MGAT5: variants seen among roughly 807,000 people sequenced by gnomAD.
MGAT5 encodes alpha-1,6-mannosylglycoprotein 6-beta-N-acetylglucosaminyltransferase A.
Under a neutral mutation model 94.3 loss-of-function variants are expected in MGAT5, and 30 were observed. The observed-to-expected ratio is 0.32, with a 90% CI of 0.24 to 0.43. MGAT5 has a LOEUF of 0.43. Ranked by LOEUF, MGAT5 falls within the 20% of genes least tolerant of loss-of-function variation. The probability of loss-of-function intolerance (pLI) is 1.00; values close to 1 mark genes in which losing one functional copy is unlikely to be tolerated. For missense variants in MGAT5, 691 were observed against 905.5 expected (o/e 0.76, Z 3.04); for synonymous variants, 310 against 322.9 (o/e 0.96, Z 0.43).
At chr2:134,246,371 G>C (rs1191885583) in intron 1 of MGAT5, among the ~76,000 whole-genome samples, 2 of 152,094 alleles carry the variant, frequency 1.3e-5, no homozygotes, top group African/African-American at 4.8e-5. Context: ...GGTGGCACTG[G>C]GCCATCTGGG....
intron 1 of MGAT5, among the ~76,000 whole-genome samples, chr2:134,242,278 C>A (rs1482331516): frequency 1.3e-5 from 2 of 152,200 alleles, no homozygotes. Context: ...ACTGTGTCTT[C>A]ATTTTTAACC....
intron 4 of MGAT5, among the ~76,000 whole-genome samples, chr2:134,332,172 A>G (rs1688013672): frequency 6.6e-6 from 1 of 152,036 alleles, no homozygotes; most frequent in Non-Finnish European, 1.5e-5. Context: ...GCATCACGCT[A>G]CCTGACTTCA....
intron 1 of MGAT5, among the ~76,000 whole-genome samples, chr2:134,213,250 G>T (rs910987480): frequency 2.6e-4 from 40 of 152,288 alleles, no homozygotes; most frequent in African/African-American, 8.9e-4. Flanking sequence ...ATGAAGTGAA[G>T]TTGTGTTCAA....
rs2290482 is a variant in MGAT5 at position 134,452,564 on chromosome 2, G to A, written c.*3717G>A. ...TGTGTTGGACTGAAACTGTATGTCT[G>A]TAGGTAGGTGTGTGCCTTTTAGGGC... is the stretch of plus-strand genomic sequence containing the variant. On this transcript the variant is annotated 3_prime_UTR_variant, in exon 16 of 16. Coordinates refer to ENST00000281923, the MANE Select transcript of MGAT5 (RefSeq NM_002410.5). 0.037 allele frequency: 5,572 copies of A among 152,292 alleles called. 160 individuals carry two copies. The highest frequency in any genetic ancestry group is 0.088 in the East Asian group (456 of 5,186). The allele number at this position is 152,292 out of a possible 1,614,324, so 9.4% of individuals were successfully genotyped here. A position where few individuals can be genotyped will look rare whatever the true frequency, so the allele number is the denominator to read the frequency against.
At chr2:134,416,484 T>C (rs1269416590) in intron 12 of MGAT5, among the ~76,000 whole-genome samples, 1 of 151,896 alleles carries the variant, frequency 6.6e-6, no homozygotes, top group Non-Finnish European at 1.5e-5. Context: ...CTTTTTTTTT[T>C]TGGAGACCGG....
chr2:134,305,840 A>G (rs193102269), intron 2 of MGAT5, among the ~76,000 whole-genome samples: 8 of 152,290 alleles, frequency 5.3e-5, no homozygotes, highest in African/African-American at 1.9e-4. Flanking sequence ...TGTTTATTGG[A>G]AAAGGAGAAT....
chr2:134,131,443 C>T (rs1686159696), intron 1 of MGAT5, among the ~76,000 whole-genome samples: 1 of 152,146 alleles, frequency 6.6e-6, no homozygotes, highest in Admixed American at 6.5e-5. Context: ...CTCTGCTTTT[C>T]TGCCTTACAA....
Position 134,341,615 on chromosome 2 carries a change from C to T in MGAT5, c.833C>T (p.Thr278Ile). 1 of 1,613,178 alleles carries T rather than the reference C, an allele frequency of 6.2e-7. No homozygotes were observed. Among genetic ancestry groups the T allele is most frequent in the Non-Finnish European group, 8.5e-7 (1 of 1,179,574 alleles). Residue 278 changes from threonine (T) to isoleucine (I), a missense_variant, in exon 7 of 16, where the codon ACC becomes ATC. Transcript: ENST00000281923. ...GTCCTCGTTCACCTGGGACTCCTGACCAAGGAATCTGGATTTAAGATTGCA... is the reference window on the plus strand; with the variant it reads ...GTCCTCGTTCACCTGGGACTCCTGATCAAGGAATCTGGATTTAAGATTGCA... ...KKVLVHLGLL[T>I]KESGFKIAET...
At chr2:134,427,161 A>G (rs535592585) in intron 13 of MGAT5, among the ~76,000 whole-genome samples, 3 of 152,266 alleles carry the variant, frequency 2.0e-5, no homozygotes, top group South Asian at 2.1e-4. Context: ...GCAAGCTTCA[A>G]TTATAGAAGT....
intron 10 of MGAT5, among the ~76,000 whole-genome samples, chr2:134,389,764 G>C (rs1158361615): frequency 1.3e-5 from 2 of 152,186 alleles, no homozygotes; most frequent in Non-Finnish European, 2.9e-5. Flanking sequence ...GACTCCTTTG[G>C]AGAGAAACTA....
intron 1 of MGAT5, among the ~76,000 whole-genome samples, chr2:134,194,199 G>C (rs1021389839): frequency 6.6e-6 from 1 of 152,200 alleles, no homozygotes; most frequent in African/African-American, 2.4e-5. Context: ...TTTATTGCTA[G>C]TATTGTTATA....
At chr2:134,192,520 G>T (rs1236139025) in intron 1 of MGAT5, among the ~76,000 whole-genome samples, 1 of 152,224 alleles carries the variant, frequency 6.6e-6, no homozygotes, top group East Asian at 1.9e-4. Context: ...CAATTTTACT[G>T]AAAGAAACAT....
chr2:134,160,457 C>T (rs755491367), intron 1 of MGAT5, among the ~76,000 whole-genome samples: 1 of 152,232 alleles, frequency 6.6e-6, no homozygotes, highest in South Asian at 2.1e-4. Flanking sequence ...CAGGCCACTG[C>T]GCCTGGCCTG....
chr2:134,428,263 C>G, intron 13 of MGAT5, 102 bp from the exon 14 acceptor site: 1 of 1,055,478 alleles, frequency 9.5e-7, no homozygotes. Flanking sequence ...ATGAGGCCGA[C>G]TCCTGGTGTT....
At chr2:134,278,321 G>A (rs1283407202) in intron 2 of MGAT5, among the ~76,000 whole-genome samples, 1 of 152,202 alleles carries the variant, frequency 6.6e-6, no homozygotes, top group Admixed American at 6.5e-5. Context: ...AGAGATGGAT[G>A]GTCCCAAGGA....
intron 1 of MGAT5, among the ~76,000 whole-genome samples, chr2:134,199,157 C>A (rs540317599): frequency 6.6e-6 from 1 of 152,314 alleles, no homozygotes; most frequent in South Asian, 2.1e-4. Flanking sequence ...GCTGCTATTT[C>A]TTGGGGAAAT....
intron 10 of MGAT5, among the ~76,000 whole-genome samples, chr2:134,377,372 A>G (rs1194389719): frequency 6.6e-6 from 1 of 152,232 alleles, no homozygotes; most frequent in Non-Finnish European, 1.5e-5. Context: ...TTCTCAAGAA[A>G]TAGAAGCTTC....
intron 11 of MGAT5, among the ~76,000 whole-genome samples, chr2:134,404,803 G>GT (rs1201723871): frequency 6.6e-6 from 1 of 152,194 alleles, no homozygotes; most frequent in South Asian, 2.1e-4. Flanking sequence ...TCTGATGACT[G>GT]TTTTTTGTTA....
chr2:134,166,162 A>G (rs1314534436), intron 1 of MGAT5, among the ~76,000 whole-genome samples: 4 of 152,156 alleles, frequency 2.6e-5, no homozygotes, highest in Non-Finnish European at 5.9e-5. Context: ...TTTCACACGT[A>G]TTGAGCCAGG....
Sources: gnomAD v4.1 joint callset for allele counts (sites outside exome capture counted in the v4.1 genomes callset) on GRCh38, gnomAD v4.1.1 for gene constraint, MANE v1.5 for transcripts, NCBI Gene and HGNC (gene_info 2026-07-23, HGNC 2026-07-21) for gene names.